NTMT1: variants seen among roughly 807,000 people sequenced by gnomAD.
NTMT1 encodes the protein N-terminal RCC1 methyltransferase.
NTMT1 carries 8 observed loss-of-function variants against 17.5 expected under a neutral mutation model. The observed-to-expected ratio is 0.46, with a 90% CI of 0.27 to 0.82. The LOEUF (loss-of-function observed/expected upper bound fraction) is 0.82, where lower values mean the gene tolerates loss of function less well. NTMT1 is among the 40% of genes least tolerant of loss of function. The pLI, the probability that NTMT1 is intolerant of heterozygous loss-of-function variation, is 0.15. For missense variants in NTMT1, 221 were observed against 303.5 expected, an observed-to-expected ratio of 0.73 and a Z score of 2.02; for synonymous variants, 128 against 126.8, an observed-to-expected ratio of 1.01 and a Z score of -0.06.
chr9:129,610,318 T>TGGTGCCCCCGGCGC (rs1482934692), intron 1 of NTMT1, among the ~76,000 whole-genome samples: 1 of 127,550 alleles, frequency 7.8e-6, no homozygotes, highest in African/African-American at 3.0e-5. Flanking sequence ...CCCACCGGCG[T>TGGTGCCCCCGGCGC]GGTGCCCCCG....
upstream of NTMT1, among the ~76,000 whole-genome samples, chr9:129,624,118 C>T: frequency 6.6e-6 from 1 of 152,036 alleles, no homozygotes; most frequent in Middle Eastern, 3.2e-3. Context: ...CTAAGGAGCC[C>T]TCCAGCCCTT....
At chr9:129,619,713 CCCA>C (rs1830576337) in intron 1 of NTMT1, 1 of 1,612,686 alleles carries the variant, frequency 6.2e-7, no homozygotes, top group South Asian at 1.1e-5. Context: ...CAACCCCGTC[CCCA>C]CCAAGAAGCG....
At chr9:129,611,454 A>T (rs1025701002) in intron 1 of NTMT1, among the ~76,000 whole-genome samples, 3 of 152,178 alleles carry the variant, frequency 2.0e-5, no homozygotes, top group African/African-American at 7.2e-5. Context: ...AGACTAGGAG[A>T]GAAACCGTGG....
intron 1 of NTMT1, among the ~76,000 whole-genome samples, chr9:129,629,655 A>T (rs911336150): frequency 3.3e-5 from 5 of 152,094 alleles, no homozygotes; most frequent in African/African-American, 1.2e-4. Flanking sequence ...GGAGGGTGTT[A>T]TGTGCAATAT....
Position 129,614,687 on chromosome 9 carries a change from G to A in NTMT1, c.-55+5509G>A, listed in dbSNP as rs1830263770. 6.6e-6 allele frequency among the ~76,000 whole-genome samples: 1 copy of A among 152,060 alleles called. No homozygotes were observed. The highest frequency in any genetic ancestry group is 2.4e-5 in the African/African-American group (1 of 41,406). ...GGGAGGCAGAGGCAGGTGGATCCCT[G>A]AGGTCAGGAGTTCGAGACCACCCTG... On this transcript the variant is annotated intron_variant, in intron 1 of 3. Coordinates refer to the NTMT1 transcript ENST00000372486. This position sits in a 1 kb window ranked among gnomAD's most constrained non-coding sequence, Gnocchi z 4.4.
chr9:129,620,638 T>G lies in NTMT1; in HGVS notation c.-55+11460T>G. 7.9e-7 allele frequency: 1 copy of G among 1,262,332 alleles called. No individual in the cohort carries two copies. The highest frequency in any genetic ancestry group is 1.0e-6 in the Non-Finnish European group (1 of 1,000,962). The allele number at this position is 1,262,332 out of a possible 1,614,324, so 78.2% of individuals were successfully genotyped here. ...CGTGGGTGGGGGGCGCCGGCTGAGG[T>G]GGGGAGGGCATAGTCCAGCCCCAGG... On this transcript the variant is annotated intron_variant, in intron 1 of 3. Coordinates refer to the NTMT1 transcript ENST00000372486. This position sits in a 1 kb window ranked among gnomAD's most constrained non-coding sequence, Gnocchi z 5.8.
chr9:129,627,963 T>C (rs2118928040), intron 1 of NTMT1, among the ~76,000 whole-genome samples: 1 of 152,348 alleles, frequency 6.6e-6, no homozygotes, highest in African/African-American at 2.4e-5. Flanking sequence ...CTGAACACCT[T>C]GGCGGGGAGG....
rs897333408 is a variant in NTMT1 at position 129,610,140 on chromosome 9, C to G, written c.-55+962C>G. Reference sequence around the variant, plus strand: ...GGGAGTGGACAGCGCAGGGAGCGGACAGGAGCGCTGCGGGATCCCGGGGCC... The same window carrying G: ...GGGAGTGGACAGCGCAGGGAGCGGAGAGGAGCGCTGCGGGATCCCGGGGCC... On this transcript the variant is annotated intron_variant, in intron 1 of 3. Coordinates refer to the NTMT1 transcript ENST00000372486. 2.1e-5 allele frequency among the ~76,000 whole-genome samples: 3 copies of G among 145,012 alleles called. No individual in the cohort carries two copies. In the East Asian group the frequency reaches 6.4e-4, roughly 31 times the overall value.
intron 1 of NTMT1, chr9:129,612,466 CAG>C (rs1588107610): frequency 6.2e-7 from 1 of 1,606,458 alleles, no homozygotes. Flanking sequence ...TAGAGTGAGA[CAG>C]AGGACCAGCT....
chr9:129,627,340 A>G (rs546189958), intron 1 of NTMT1, among the ~76,000 whole-genome samples: 13 of 152,130 alleles, frequency 8.5e-5, no homozygotes, highest in Non-Finnish European at 1.9e-4. Context: ...GCATACCAGT[A>G]ACAGTCCCCT....
intron 1 of NTMT1, among the ~76,000 whole-genome samples, chr9:129,617,937 G>C (rs142844974): frequency 4.0e-3 from 614 of 152,312 alleles, no homozygotes; most frequent in Non-Finnish European, 6.7e-3. Flanking sequence ...TCCTGCCTCA[G>C]CCTCCCAAAG....
rs959788221 is a variant in NTMT1 at position 129,613,377 on chromosome 9, G to A, written c.-55+4199G>A. 1.9e-6 allele frequency: 3 copies of A among 1,594,304 alleles called. No individual in the cohort carries two copies. Among genetic ancestry groups the A allele is most frequent in the Non-Finnish European group, 1.7e-6 (2 of 1,167,924 alleles). The stretch of plus-strand genomic sequence containing the variant: ...GCTGGGTGGGGAGGTCTGTAGGCAA[G>A]GGGGGTGGAGGGCCCTGGCAATGTC... On this transcript the variant is annotated intron_variant, in intron 1 of 3. Coordinates refer to the NTMT1 transcript ENST00000372486. The surrounding 1 kb of genome is among the most constrained non-coding windows in gnomAD (Gnocchi z 6.2).
intron 1 of NTMT1, among the ~76,000 whole-genome samples, chr9:129,609,541 GC>G (rs1312404361): frequency 9.1e-6 from 1 of 109,460 alleles, no homozygotes; most frequent in Non-Finnish European, 2.0e-5. Context: ...AGGAGGGGCA[GC>G]CCCCCCACCC....
chr9:129,615,538 C>G (rs779932522), intron 1 of NTMT1: 2 of 1,610,542 alleles, frequency 1.2e-6, no homozygotes, highest in Admixed American at 1.7e-5. Flanking sequence ...GTCTCGTCAG[C>G]GAATCGCACC....
intron 1 of NTMT1, among the ~76,000 whole-genome samples, chr9:129,616,124 C>A (rs1193742811): frequency 6.6e-6 from 1 of 152,166 alleles, no homozygotes; most frequent in Non-Finnish European, 1.5e-5. Flanking sequence ...GCCCACCCTA[C>A]AGGGTTGTGA....
rs556324431 is a variant in NTMT1, at chr9:129,614,760, G to C, written c.-55+5582G>C. Among the ~76,000 whole-genome samples the C allele has an allele frequency of 4.5e-4, 69 of 152,286 alleles. No individual in the cohort carries two copies. The highest frequency in any genetic ancestry group is 1.6e-3 in the African/African-American group (65 of 41,570). On this transcript the variant is annotated intron_variant, in intron 1 of 3. Coordinates refer to the NTMT1 transcript ENST00000372486. The surrounding 1 kb of genome is among the most constrained non-coding windows in gnomAD (Gnocchi z 4.4). ...TCTACTAAAAATACAAAATTAGCCA[G>C]GGGCGGTGGCGCATGCCTGTAATCC...
chr9:129,623,709 G>A (rs1830807528), upstream of NTMT1, among the ~76,000 whole-genome samples: 1 of 152,014 alleles, frequency 6.6e-6, no homozygotes, highest in Non-Finnish European at 1.5e-5. Context: ...CTTTCCTGGA[G>A]AGCTACAATA....
chr9:129,618,980 C>G lies in NTMT1; in HGVS notation c.-55+9802C>G, dbSNP rs368515845. Among the ~76,000 whole-genome samples the G allele has an allele frequency of 4.0e-4, 61 of 150,954 alleles. 2 individuals carry two copies. Among genetic ancestry groups the G allele is most frequent in the East Asian group, 3.2e-3 (16 of 5,070 alleles). ...CCGCCCACCTCAGCCTCCCAAAGTGCTGGGATTACAGGTGTGAGCCACCGT... is the reference window on the plus strand; with the variant it reads ...CCGCCCACCTCAGCCTCCCAAAGTGGTGGGATTACAGGTGTGAGCCACCGT... On this transcript the variant is annotated intron_variant, in intron 1 of 3. Coordinates refer to the NTMT1 transcript ENST00000372486.
At chr9:129,612,400 T>C (rs1287234913) in intron 1 of NTMT1, 1 of 1,612,956 alleles carries the variant, frequency 6.2e-7, no homozygotes, top group Non-Finnish European at 8.5e-7. Flanking sequence ...TGGTACCCCT[T>C]AGGGCAGCCT....
Sources: allele counts gnomAD v4.1 joint callset (sites outside exome capture counted in the v4.1 genomes callset), GRCh38; gene constraint gnomAD v4.1.1; non-coding constraint Gnocchi (gnomAD v3.1); transcripts MANE v1.5; gene names NCBI Gene and HGNC (gene_info 2026-07-23, HGNC 2026-07-21).